The following PCBP3 variants were observed in gnomAD, a reference collection of about 807,000 sequenced individuals.
PCBP3 encodes poly(rC)-binding protein 3.
A neutral mutation model predicts 52.7 loss-of-function variants in PCBP3; 25 were observed. The ratio of observed to expected loss-of-function variants is 0.47; its 90% CI spans 0.35 to 0.66. PCBP3 has a LOEUF of 0.66. Ranked by LOEUF, PCBP3 falls within the 30% of genes least tolerant of loss-of-function variation. The pLI, the probability that PCBP3 is intolerant of heterozygous loss-of-function variation, is 0.01. For synonymous variants in PCBP3, 162 were observed against 183.0 expected (o/e 0.89, Z 0.93); for missense variants, 391 against 490.3 (o/e 0.80, Z 1.91).
intron 1 of PCBP3, among the ~76,000 whole-genome samples, chr21:45,661,736 A>G (rs2080403405): frequency 1.3e-5 from 2 of 152,180 alleles, no homozygotes; most frequent in African/African-American, 4.8e-5. Flanking sequence ...AAATCTCCAC[A>G]CTGTTTTCCA....
intron 2 of PCBP3, among the ~76,000 whole-genome samples, chr21:45,674,864 G>C (rs2147365045): frequency 6.6e-6 from 1 of 152,266 alleles, no homozygotes; most frequent in South Asian, 2.1e-4. Context: ...TCCTGGAACA[G>C]GGATCCAGCC....
chr21:45,900,478 G>A, intron 7 of PCBP3, 113 bp from the exon 8 acceptor site: 1 of 767,554 alleles, frequency 1.3e-6, no homozygotes, highest in South Asian at 1.6e-5. Flanking sequence ...AGCACAGGCA[G>A]GAGGCTCTGC....
Position 45,798,921 on chromosome 21 carries a change from GA to G in PCBP3, c.-126+43470del, listed in dbSNP as rs2092160445. 6.6e-5 allele frequency among the ~76,000 whole-genome samples: 7 copies of G among 106,020 alleles called. 1 individual carries two copies. Among genetic ancestry groups the G allele is most frequent in the Non-Finnish European group, 1.1e-4 (5 of 45,842 alleles). The allele number at this position is 106,020 out of a possible 152,430, so 69.6% of individuals were successfully genotyped here. A position where few individuals can be genotyped will look rare whatever the true frequency, so the allele number is the denominator to read the frequency against. The stretch of plus-strand genomic sequence containing the variant: ...ATGGATGAATGCATGGATCCATAGA[GA>G]GAGTGAATGGATGTGTACATGGATG... On this transcript the variant is annotated intron_variant, in intron 4 of 17. Transcript: ENST00000681687.
At position 45,829,994 on chromosome 21, in the gene PCBP3, T is replaced by TCCACCTTAGTTTGGGGCCTGCCTGCTC. The variant is rs2093407286; in HGVS notation, c.-125-19966_-125-19940dup. 3.9e-5 allele frequency: 6 copies of TCCACCTTAGTTTGGGGCCTGCCTGCTC among 152,882 alleles called. 1 individual carries two copies. In the South Asian group the frequency reaches 1.0e-3, roughly 26 times the overall value. 9.5% of individuals were successfully genotyped at this position (152,882 alleles called of 1,614,324 possible). A position where few individuals can be genotyped will look rare whatever the true frequency, so the allele number is the denominator to read the frequency against. ...CTGCCCTGCTGCGATCGCTGTGGTCTCCACCTTAGTTTGGGGCCTGCCTGC... is the reference window on the plus strand; with the variant it reads ...CTGCCCTGCTGCGATCGCTGTGGTCTCCACCTTAGTTTGGGGCCTGCCTGCTCCCACCTTAGTTTGGGGCCTGCCTGC... On this transcript the variant is annotated intron_variant, in intron 4 of 17. Coordinates refer to ENST00000681687, the MANE Select transcript of PCBP3 (RefSeq NM_001384156.1). The surrounding 1 kb of genome is among the most constrained non-coding windows in gnomAD (Gnocchi z 5.2).
Position 45,917,751 on chromosome 21 carries a change from G to A in PCBP3, c.717+122G>A, listed in dbSNP as rs896869123. On this transcript the variant is annotated intron_variant, in intron 13 of 17. Coordinates refer to ENST00000681687, the MANE Select transcript of PCBP3 (RefSeq NM_001384156.1). The surrounding 1 kb of genome is among the most constrained non-coding windows in gnomAD (Gnocchi z 5.3). ...CAATAATATTAATCAACTTCTCAGCGTTCCTGACCTGTGTCGTATCCATAT... is the reference window on the plus strand; with the variant it reads ...CAATAATATTAATCAACTTCTCAGCATTCCTGACCTGTGTCGTATCCATAT... 4 of 845,642 alleles carry A rather than the reference G, an allele frequency of 4.7e-6. No homozygotes were observed. Among genetic ancestry groups the A allele is most frequent in the South Asian group, 1.3e-5 (1 of 74,090 alleles). 52.4% of individuals were successfully genotyped at this position (845,642 alleles called of 1,614,324 possible).
At chr21:45,866,877 G>C (rs752601196) in intron 5 of PCBP3, among the ~76,000 whole-genome samples, 9 of 152,162 alleles carry the variant, frequency 5.9e-5, no homozygotes, top group Non-Finnish European at 1.3e-4. Context: ...GGCGGAGGTC[G>C]GGGACAGTCG....
At chr21:45,930,720 G>T in intron 14 of PCBP3, 66 bp from the exon 15 acceptor site, 1 of 796,296 alleles carries the variant, frequency 1.3e-6, no homozygotes. Flanking sequence ...AGCTTCCCTA[G>T]TTGAAGGGAC....
In PCBP3 at chr21:45,735,312, T is replaced by C. The variant is rs2085782162; in HGVS notation, c.-199-80T>C. 6.6e-6 allele frequency: 1 copy of C among 152,234 alleles called. No homozygotes were observed. Among genetic ancestry groups the C allele is most frequent in the African/African-American group, 2.4e-5 (1 of 41,462 alleles). The allele number at this position is 152,234 out of a possible 1,614,324, so 9.4% of individuals were successfully genotyped here. On this transcript the variant is annotated intron_variant, in intron 2 of 17. Coordinates refer to ENST00000681687, the MANE Select transcript of PCBP3 (RefSeq NM_001384156.1). The surrounding 1 kb of genome is among the most constrained non-coding windows in gnomAD (Gnocchi z 4.0). The stretch of plus-strand genomic sequence containing the variant: ...GTTTGATAAAATTTGGTATCTAAGG[T>C]GATAGATTGTGATTTCTGTCTCTCT...
chr21:45,841,565 T>C (rs2093700218), intron 4 of PCBP3, among the ~76,000 whole-genome samples: 1 of 152,244 alleles, frequency 6.6e-6, no homozygotes, highest in African/African-American at 2.4e-5. Context: ...GTTTCACATA[T>C]TACGCTATGA....
intron 3 of PCBP3, among the ~76,000 whole-genome samples, chr21:45,742,336 C>G (rs1396515395): frequency 6.6e-6 from 1 of 152,170 alleles, no homozygotes; most frequent in African/African-American, 2.4e-5. Flanking sequence ...CTGTTGTATC[C>G]TGACACACCA....
intron 2 of PCBP3, among the ~76,000 whole-genome samples, chr21:45,701,842 G>GTA (rs2083148837): frequency 6.6e-6 from 1 of 152,308 alleles, no homozygotes; most frequent in South Asian, 2.1e-4. Context: ...TTACAGGCAT[G>GTA]AGCCACCTCA....
At position 45,874,543 on chromosome 21, in the gene PCBP3, C is replaced by T. The variant is rs546881851; in HGVS notation, c.11-21665C>T. Among the ~76,000 whole-genome samples, 47 of 140,832 alleles carry T rather than the reference C, an allele frequency of 3.3e-4. 2 individuals are homozygous for T. In the South Asian group the frequency reaches 9.8e-3, roughly 29 times the overall value. 92.4% of individuals were successfully genotyped at this position (140,832 alleles called of 152,430 possible). On this transcript the variant is annotated intron_variant, in intron 5 of 17. Coordinates refer to ENST00000681687, the MANE Select transcript of PCBP3 (RefSeq NM_001384156.1). ...TTTTTGAGACAGAGTCTTGCTCTGT[C>T]GTCCCGGGCTGGAGTGCAGTGGCGC...
Position 45,909,363 on chromosome 21 carries a change from C to G in PCBP3, c.348C>G (p.Ile116Met). Residue 116 changes from isoleucine to methionine, a missense_variant, in exon 10 of 18, where the codon ATC (isoleucine) becomes ATG (methionine). Transcript: ENST00000681687. ...ACGTGTCTCTCCCCTAGGATATCAT[C>G]AACTCCATGAGCAACAGCCCTGCCA... ...MIAYKFEEDIINSMSNSPATS... is the reference protein window; with the variant it reads ...MIAYKFEEDIMNSMSNSPATS... 1 of 1,612,634 alleles carries G rather than the reference C, an allele frequency of 6.2e-7. No homozygotes were observed. Among genetic ancestry groups the G allele is most frequent in the Non-Finnish European group, 8.5e-7 (1 of 1,179,588 alleles).
At chr21:45,936,378 G>A (rs2076893939) in intron 16 of PCBP3, among the ~76,000 whole-genome samples, 1 of 152,214 alleles carries the variant, frequency 6.6e-6, no homozygotes, top group South Asian at 2.1e-4. Context: ...CCGGTTGCTG[G>A]TCAGGCACAG....
At chr21:45,893,645 C>G (rs547522003) in intron 5 of PCBP3, 11 of 583,830 alleles carry the variant, frequency 1.9e-5, no homozygotes, top group Non-Finnish European at 2.0e-5. Context: ...CCCAGGCCCT[C>G]ACGGATGACT....
intron 1 of PCBP3, among the ~76,000 whole-genome samples, chr21:45,646,076 TC>T (rs1400576937): frequency 3.5e-5 from 4 of 113,278 alleles, no homozygotes; most frequent in African/African-American, 1.4e-4. Context: ...TCTCTCTCTC[TC>T]TCTCTTTCTC....
rs561926319 is a variant in PCBP3 at position 45,929,058 on chromosome 21, T to C, written c.718-859T>C. On this transcript the variant is annotated intron_variant, in intron 13 of 17. Coordinates refer to ENST00000681687, the MANE Select transcript of PCBP3 (RefSeq NM_001384156.1). The stretch of plus-strand genomic sequence containing the variant: ...GGCTCTCCAAAGGGTGGAAGAATTA[T>C]GAGCCTCACCTTGCCACGTTTACCA... Among the ~76,000 whole-genome samples, 17 of 152,370 alleles carry C rather than the reference T, an allele frequency of 1.1e-4. No homozygotes were observed. In the East Asian group the frequency reaches 1.9e-3, roughly 17 times the overall value.
intron 5 of PCBP3, among the ~76,000 whole-genome samples, chr21:45,895,353 T>G (rs1475879435): frequency 1.3e-5 from 2 of 152,176 alleles, no homozygotes; most frequent in African/African-American, 2.4e-5. Flanking sequence ...CTTCACAGGT[T>G]TCTGTTCCTG....
At chr21:45,762,488 TC>T in intron 4 of PCBP3, 1 of 127,516 alleles carries the variant, frequency 7.8e-6, no homozygotes, top group African/African-American at 2.8e-5. Flanking sequence ...TTTCTTTTCT[TC>T]TCTTTTTTTT....
Sources: gnomAD v4.1 joint callset for allele counts (sites outside exome capture counted in the v4.1 genomes callset) on GRCh38, gnomAD v4.1.1 for gene constraint, Gnocchi (gnomAD v3.1) non-coding constraint, MANE v1.5 for transcripts, NCBI Gene and HGNC (gene_info 2026-07-23, HGNC 2026-07-21) for gene names.